The following SPECC1L variants were observed in gnomAD, a reference collection of about 807,000 sequenced individuals.
SPECC1L encodes sperm antigen with calponin homology and coiled-coil domains 1 like.
In SPECC1L, 40 loss-of-function variants were observed where a neutral mutation model predicts 116.8. That is an observed-to-expected ratio of 0.34 (90% confidence interval 0.27 to 0.45). The LOEUF is 0.45. SPECC1L is among the 20% of genes least tolerant of loss of function. The pLI is 1.00. For missense variants in SPECC1L, 1,110 were observed against 1,373.6 expected, an observed-to-expected ratio of 0.81 and a Z score of 3.03; for synonymous variants, 504 against 500.6, an observed-to-expected ratio of 1.01 and a Z score of -0.09.
chr22:24,322,323 C>T lies in SPECC1L; in HGVS notation c.1343C>T (p.Ser448Phe). ...LGEEKVILME[S>F]LCQQSDKLEH... ...GAAGAGAAGGTTATTCTGATGGAGT[C>T]TTTATGTCAGCAGAGCGATAAGTTG... The change falls in exon 5 of 17, where the codon TCT (serine) becomes TTT (phenylalanine). Residue 448 changes from serine (S) to phenylalanine (F), a missense_variant. Ser to Phe is a radical substitution (Grantham distance 155). Coordinates refer to ENST00000314328, the MANE Select transcript of SPECC1L (RefSeq NM_015330.6). 6.2e-7 allele frequency: 1 copy of T among 1,614,168 alleles called. No individual in the cohort carries two copies. The highest frequency in any genetic ancestry group is 8.5e-7 in the Non-Finnish European group (1 of 1,180,032).
At chr22:24,306,898 C>T (rs1254091262) in intron 3 of SPECC1L, among the ~76,000 whole-genome samples, 1 of 152,214 alleles carries the variant, frequency 6.6e-6, no homozygotes, top group Non-Finnish European at 1.5e-5. Flanking sequence ...TAAGTGGAAT[C>T]ATATACCACT....
chr22:24,321,486 C>G lies in SPECC1L; in HGVS notation c.506C>G (p.Ser169Cys), dbSNP rs1317598163. Residue 169 changes from serine to cysteine, a missense_variant, in exon 5 of 17, where the codon TCT becomes TGT. Physicochemically the swap from Ser to Cys is moderately radical, Grantham distance 112. Transcript: ENST00000314328. Reference protein sequence around the residue: ...ATECDVRMSKSKSDNQISDRA... With the variant: ...ATECDVRMSKCKSDNQISDRA... Reference sequence around the variant, plus strand: ...GAATGTGACGTTCGTATGAGCAAGTCTAAGTCAGACAATCAGATCAGTGAC... The same window carrying G: ...GAATGTGACGTTCGTATGAGCAAGTGTAAGTCAGACAATCAGATCAGTGAC... The G allele has an allele frequency of 6.2e-7, 1 of 1,614,136 alleles. No individual in the cohort carries two copies. Among genetic ancestry groups the G allele is most frequent in the East Asian group, 2.2e-5 (1 of 44,900 alleles).
intron 14 of SPECC1L, among the ~76,000 whole-genome samples, chr22:24,374,417 A>G (rs899172427): frequency 5.3e-5 from 8 of 152,102 alleles, no homozygotes; most frequent in Admixed American, 5.2e-4. Context: ...TGTGGCACAT[A>G]TACACCATGG....
chr22:24,414,778 G>T lies in SPECC1L; in HGVS notation c.*155G>T. On this transcript the variant is annotated 3_prime_UTR_variant, in exon 17 of 17. Transcript: ENST00000314328. ...CCAGCTCGGGGCTTCCGTATTGGAA[G>T]AACTCAGCCGTGTGGCCCACAGCTC... The T allele has an allele frequency of 1.5e-6, 1 of 675,834 alleles. No individual in the cohort carries two copies. The highest frequency in any genetic ancestry group is 2.1e-5 in the Admixed American group (1 of 47,212). 41.9% of individuals were successfully genotyped at this position (675,834 alleles called of 1,614,324 possible). A position where few individuals can be genotyped will look rare whatever the true frequency, so the allele number is the denominator to read the frequency against.
At chr22:24,294,384 C>CT (rs554852361) in intron 2 of SPECC1L, among the ~76,000 whole-genome samples, 5,279 of 135,466 alleles carry the variant, frequency 0.039, 243 homozygotes, top group African/African-American at 0.096. Context: ...TGTCCTAGTC[C>CT]TTTTTTTTTT....
At chr22:24,368,361 GA>G (rs1461031943) in intron 13 of SPECC1L, among the ~76,000 whole-genome samples, 1 of 152,182 alleles carries the variant, frequency 6.6e-6, no homozygotes, top group Non-Finnish European at 1.5e-5. Flanking sequence ...TTGAATAAGT[GA>G]GCTTACAGAG....
At chr22:24,272,482 G>T (rs1205951173) in intron 1 of SPECC1L, among the ~76,000 whole-genome samples, 1 of 152,130 alleles carries the variant, frequency 6.6e-6, no homozygotes, top group Non-Finnish European at 1.5e-5. Flanking sequence ...ATACCAGCCT[G>T]GCCAACATGG....
At position 24,302,192 on chromosome 22, in the gene SPECC1L, C is replaced by G; in HGVS notation, c.-37-3C>G. On this transcript the variant is annotated splice_region_variant and splice_polypyrimidine_tract_variant and intron_variant, in intron 2 of 16. Coordinates refer to ENST00000314328, the MANE Select transcript of SPECC1L (RefSeq NM_015330.6). ...TCAGTGTAATGCCATTTTTTTCCCA[C>G]AGATTTGCTTGTAAATGCATCACGA... is the stretch of plus-strand genomic sequence containing the variant. The G allele has an allele frequency of 6.2e-7, 1 of 1,611,730 alleles. No individual in the cohort carries two copies. Among genetic ancestry groups the G allele is most frequent in the Non-Finnish European group, 8.5e-7 (1 of 1,178,508 alleles).
chr22:24,360,756 A>G (rs1324841450), intron 11 of SPECC1L, among the ~76,000 whole-genome samples: 2 of 152,186 alleles, frequency 1.3e-5, no homozygotes, highest in Non-Finnish European at 2.9e-5. Context: ...AAAATTTTTT[A>G]GGGAAATAAC....
chr22:24,321,876 C>A lies in SPECC1L; in HGVS notation c.896C>A (p.Thr299Asn). Residue 299 changes from threonine (T) to asparagine (N), a missense_variant, in exon 5 of 17, where the codon ACC becomes AAC. Transcript: ENST00000314328. The part of the protein sequence containing the change: ...FGYQSLSPEI[T>N]PGNQSDGGGT... Reference sequence around the variant, plus strand: ...TATCAGTCCCTGAGCCCAGAAATCACCCCTGGTAACCAGAGCGATGGAGGA... The same window carrying A: ...TATCAGTCCCTGAGCCCAGAAATCAACCCTGGTAACCAGAGCGATGGAGGA... 6.2e-7 allele frequency: 1 copy of A among 1,614,232 alleles called. No individual in the cohort carries two copies. The highest frequency in any genetic ancestry group is 8.5e-7 in the Non-Finnish European group (1 of 1,180,052).
intron 14 of SPECC1L, among the ~76,000 whole-genome samples, chr22:24,400,386 C>T (rs748915967): frequency 2.0e-5 from 3 of 152,166 alleles, no homozygotes; most frequent in Non-Finnish European, 4.4e-5. Context: ...CATATTGTGG[C>T]GTATATTCGT....
intron 9 of SPECC1L, among the ~76,000 whole-genome samples, chr22:24,337,735 C>T (rs896691092): frequency 6.6e-6 from 1 of 152,096 alleles, no homozygotes; most frequent in East Asian, 1.9e-4. Context: ...TAATTTAATT[C>T]AGCATCAAAT....
intron 2 of SPECC1L, among the ~76,000 whole-genome samples, chr22:24,299,984 AT>A (rs2049344441): frequency 6.6e-6 from 1 of 152,226 alleles, no homozygotes; most frequent in Non-Finnish European, 1.5e-5. Flanking sequence ...CATATAATAC[AT>A]GGTCCTTTGT....
chr22:24,365,042 G>C (rs887159722), intron 12 of SPECC1L, among the ~76,000 whole-genome samples: 2 of 152,090 alleles, frequency 1.3e-5, no homozygotes, highest in African/African-American at 4.8e-5. Context: ...GTCTCTCTCT[G>C]TCGCCCAGGC....
chr22:24,364,683 G>A (rs886959552), intron 12 of SPECC1L, among the ~76,000 whole-genome samples: 1 of 147,034 alleles, frequency 6.8e-6, no homozygotes, highest in African/African-American at 2.5e-5. Context: ...AAAAAAAAGT[G>A]CCCTGAGCTA....
intron 2 of SPECC1L, among the ~76,000 whole-genome samples, chr22:24,294,616 C>G (rs1326025886): frequency 6.6e-6 from 1 of 151,850 alleles, no homozygotes; most frequent in African/African-American, 2.4e-5. Context: ...CTTCTGACCT[C>G]ACTTGATCCA....
chr22:24,362,396 G>A (rs1053652640), intron 11 of SPECC1L, among the ~76,000 whole-genome samples: 2 of 152,204 alleles, frequency 1.3e-5, no homozygotes, highest in African/African-American at 4.8e-5. Flanking sequence ...TCCCAAGACA[G>A]CTTGTGTTTA....
chr22:24,293,924 T>C (rs1351688977), intron 2 of SPECC1L, among the ~76,000 whole-genome samples: 1 of 38,680 alleles, frequency 2.6e-5, no homozygotes, highest in African/African-American at 1.0e-4. Context: ...GCCCATTCTG[T>C]TTTCCTCATC....
Position 24,347,138 on chromosome 22 carries a change from C to G in SPECC1L, c.2705C>G (p.Ser902Ter). 6.2e-7 allele frequency: 1 copy of G among 1,613,986 alleles called. No homozygotes were observed. The highest frequency in any genetic ancestry group is 8.5e-7 in the Non-Finnish European group (1 of 1,179,904). ...ACATCCAAACCCCTGACAGCCCTGT[C>G]AGATAAGAGACCAAACTATGGGGAA... is the stretch of plus-strand genomic sequence containing the variant. Reference protein sequence around the residue: ...ISTSKPLTALSDKRPNYGEIP... With the variant: ...ISTSKPLTAL The change falls in exon 11 of 17, where the codon TCA becomes TGA. Residue 902 changes from serine (S) to a stop codon, truncating the protein, a stop_gained. Transcript: ENST00000314328. LOFTEE classifies it high-confidence loss of function.
Sources: allele counts gnomAD v4.1 joint callset (sites outside exome capture counted in the v4.1 genomes callset), GRCh38; gene constraint gnomAD v4.1.1; transcripts MANE v1.5; gene names NCBI Gene and HGNC (gene_info 2026-07-23, HGNC 2026-07-21).